The following NTM variants were observed in gnomAD, a reference collection of about 807,000 sequenced individuals.
NTM encodes the protein IgLON family member 2.
In NTM, 13 loss-of-function variants were observed where a neutral mutation model predicts 42.1. The observed-to-expected ratio is 0.31, with a 90% CI of 0.20 to 0.49. The LOEUF is 0.49. Among genes scored for constraint, NTM ranks in the 20% least tolerant of loss-of-function variants. NTM has a pLI of 0.99. For missense variants in NTM, 373 were observed against 452.8 expected (o/e 0.82, Z 1.60); for synonymous variants, 187 against 179.2 (o/e 1.04, Z -0.35).
intron 1 of NTM, among the ~76,000 whole-genome samples, chr11:131,876,503 T>A (rs924339273): frequency 6.6e-6 from 1 of 152,256 alleles, no homozygotes; most frequent in Non-Finnish European, 1.5e-5. Flanking sequence ...CAATTAATTT[T>A]AATCTTAGCC....
At chr11:132,098,296 C>T (rs1297333799) in intron 2 of NTM, among the ~76,000 whole-genome samples, 1 of 152,136 alleles carries the variant, frequency 6.6e-6, no homozygotes, top group Non-Finnish European at 1.5e-5. Flanking sequence ...AATTGTGACT[C>T]ATGATAAATC....
At chr11:132,115,361 T>C (rs768200848) in intron 2 of NTM, among the ~76,000 whole-genome samples, 7 of 152,166 alleles carry the variant, frequency 4.6e-5, no homozygotes. Flanking sequence ...ACATGTTAAT[T>C]AGCCTGGTTG....
At chr11:132,318,113 A>G (rs781316119) in intron 7 of NTM, among the ~76,000 whole-genome samples, 3 of 152,284 alleles carry the variant, frequency 2.0e-5, no homozygotes, top group Non-Finnish European at 4.4e-5. Context: ...AAACGCATCA[A>G]CTGGCTCATG....
chr11:131,775,518 AT>A (rs1387754441), intron 1 of NTM, among the ~76,000 whole-genome samples: 1 of 152,162 alleles, frequency 6.6e-6, no homozygotes, highest in African/African-American at 2.4e-5. Context: ...TATTTAATAA[AT>A]CCCCAAAGAG....
At chr11:132,233,300 A>G (rs553690321) in intron 4 of NTM, among the ~76,000 whole-genome samples, 1 of 152,300 alleles carries the variant, frequency 6.6e-6, no homozygotes, top group Non-Finnish European at 1.5e-5. Context: ...CACACCTGTA[A>G]TTCTAGCTAC....
intron 1 of NTM, among the ~76,000 whole-genome samples, chr11:131,804,372 C>T (rs1039988115): frequency 3.9e-5 from 6 of 152,254 alleles, no homozygotes; most frequent in Middle Eastern, 3.4e-3. Flanking sequence ...ATAAGTGTGA[C>T]GTCTGCTGTT....
chr11:131,789,645 G>GAAGAAGAAGAAGAAGA (rs2090516694), intron 1 of NTM, among the ~76,000 whole-genome samples: 3 of 128,242 alleles, frequency 2.3e-5, no homozygotes, highest in African/African-American at 8.9e-5. Context: ...AAAAGAAGAA[G>GAAGAAGAAGAAGAAGA]AAGAAGAAGA....
chr11:131,508,685 C>A (rs1317181073), intron 1 of NTM, among the ~76,000 whole-genome samples: 1 of 150,918 alleles, frequency 6.6e-6, no homozygotes, highest in Non-Finnish European at 1.5e-5. Context: ...CACATATACA[C>A]CATGGAATAC....
chr11:131,809,104 T>C (rs1321339707), intron 1 of NTM, among the ~76,000 whole-genome samples: 2 of 152,252 alleles, frequency 1.3e-5, no homozygotes, highest in Non-Finnish European at 2.9e-5. Context: ...ATTCTATATC[T>C]ACAAGATGTG....
chr11:131,674,479 T>G (rs2071006315), intron 1 of NTM, among the ~76,000 whole-genome samples: 1 of 152,254 alleles, frequency 6.6e-6, no homozygotes, highest in African/African-American at 2.4e-5. Context: ...TCTGCTTCCC[T>G]GCAGCTGGGA....
intron 2 of NTM, among the ~76,000 whole-genome samples, chr11:131,942,806 C>T (rs1201461181): frequency 6.6e-6 from 1 of 151,884 alleles, no homozygotes; most frequent in South Asian, 2.1e-4. Context: ...ATTAGCTGGG[C>T]ATGGTGACAC....
chr11:131,909,795 A>C (rs1193830722), intron 1 of NTM: 1 of 152,242 alleles, frequency 6.6e-6, no homozygotes, highest in Non-Finnish European at 1.5e-5. Flanking sequence ...AGGCAAATCC[A>C]GTCTCTCCCC....
intron 4 of NTM, among the ~76,000 whole-genome samples, chr11:132,260,535 G>A (rs560767291): frequency 5.1e-4 from 78 of 152,264 alleles, no homozygotes; most frequent in Non-Finnish European, 1.0e-3. Flanking sequence ...ACCAAAAAAT[G>A]AATTAAAAAG....
chr11:132,016,395 A>G (rs1475559177), intron 2 of NTM, among the ~76,000 whole-genome samples: 1 of 152,002 alleles, frequency 6.6e-6, no homozygotes, highest in Non-Finnish European at 1.5e-5. Flanking sequence ...TTCTGTATCT[A>G]TAATCCTTTT....
intron 1 of NTM, among the ~76,000 whole-genome samples, chr11:131,490,229 A>T (rs768149550): frequency 6.6e-6 from 1 of 152,184 alleles, no homozygotes; most frequent in Non-Finnish European, 1.5e-5. Context: ...AAATGTCAAC[A>T]TGAGGCGTGG....
intron 1 of NTM, among the ~76,000 whole-genome samples, chr11:131,773,242 G>A (rs1341138759): frequency 1.3e-5 from 2 of 152,148 alleles, no homozygotes; most frequent in African/African-American, 2.4e-5. Flanking sequence ...CATGGTGTAA[G>A]GGATGGTGGG....
intron 2 of NTM, among the ~76,000 whole-genome samples, chr11:132,024,454 C>A (rs1392876703): frequency 3.3e-5 from 5 of 152,198 alleles, no homozygotes; most frequent in African/African-American, 1.2e-4. Context: ...TTTTAGTCAA[C>A]TATAGATTAC....
Position 132,026,703 on chromosome 11 carries a change from T to A in NTM, c.167+115055T>A, listed in dbSNP as rs1481061737. The stretch of plus-strand genomic sequence containing the variant: ...GAGAACAAGACAATTATTTTTGCTG[T>A]GGTTTTGTTTGTTCAGTTTTAACTT... On this transcript the variant is annotated intron_variant, in intron 2 of 8. Transcript: ENST00000683400. Among the ~76,000 whole-genome samples the A allele has an allele frequency of 1.4e-4, 21 of 152,226 alleles. 1 individual carries two copies. Among genetic ancestry groups the A allele is most frequent in the Admixed American group, 1.4e-3 (21 of 15,288 alleles).
At position 131,483,165 on chromosome 11, in the gene NTM, A is replaced by G. The variant is rs571063800; in HGVS notation, c.82+112277A>G. ...ACATTTAACTGGAAGGCTGAAGTCAAAGCTTCGAGAGAAGCTCAAACAGGG... is the reference window on the plus strand; with the variant it reads ...ACATTTAACTGGAAGGCTGAAGTCAGAGCTTCGAGAGAAGCTCAAACAGGG... On this transcript the variant is annotated intron_variant, in intron 1 of 8. Transcript: ENST00000683400. 1.9e-4 allele frequency among the ~76,000 whole-genome samples: 29 copies of G among 152,336 alleles called. 1 individual carries two copies. The highest frequency in any genetic ancestry group is 1.6e-3 in the Admixed American group (24 of 15,310).
Sources: allele counts gnomAD v4.1 joint callset (sites outside exome capture counted in the v4.1 genomes callset), GRCh38; gene constraint gnomAD v4.1.1; transcripts MANE v1.5; gene names NCBI Gene and HGNC (gene_info 2026-07-23, HGNC 2026-07-21).